Variants in HYKK observed in about 807,000 individuals in gnomAD.
HYKK encodes the protein hydroxylysine kinase, also known as 5-hydroxy-L-lysine kinase.
A neutral mutation model predicts 29.7 loss-of-function variants in HYKK; 19 were observed. The ratio of observed to expected loss-of-function variants is 0.64; its 90% CI spans 0.45 to 0.94. The LOEUF (loss-of-function observed/expected upper bound fraction) is 0.94, where lower values mean the gene tolerates loss of function less well. HYKK is among the 40% of genes least tolerant of loss of function. HYKK has a pLI of 0.00. For missense variants in HYKK, 390 were observed against 443.4 expected, an observed-to-expected ratio of 0.88 and a Z score of 1.08; for synonymous variants, 152 against 158.1, an observed-to-expected ratio of 0.96 and a Z score of 0.29.
At chr15:78,519,159 G>A (rs2052166266) in intron 3 of HYKK, among the ~76,000 whole-genome samples, 1 of 151,972 alleles carries the variant, frequency 6.6e-6, no homozygotes, top group Non-Finnish European at 1.5e-5. Flanking sequence ...CAGCCCCAGG[G>A]GCATACTTGG....
rs1434061519 is a variant in HYKK at position 78,534,366 on chromosome 15, C to T, written c.*696C>T. 1.3e-5 allele frequency: 2 copies of T among 151,638 alleles called. No homozygotes were observed. The highest frequency in any genetic ancestry group is 3.9e-4 in the East Asian group (2 of 5,162). 9.4% of individuals were successfully genotyped at this position (151,638 alleles called of 1,614,324 possible). A position where few individuals can be genotyped will look rare whatever the true frequency, so the allele number is the denominator to read the frequency against. On this transcript the variant is annotated 3_prime_UTR_variant, in exon 5 of 5. Transcript: ENST00000388988. ...TCGAGTTCACGCCATTCTCCTGCCT[C>T]AGCCTCCTGAGTAGCTGGGACTACA...
At chr15:78,527,721 C>T in intron 4 of HYKK, 158 bp downstream of exon 4, 1 of 1,392,838 alleles carries the variant, frequency 7.2e-7, no homozygotes, top group Non-Finnish European at 9.3e-7. Context: ...TTACTTTCCT[C>T]AAAATTGCTA....
intron 3 of HYKK, among the ~76,000 whole-genome samples, chr15:78,523,697 C>G (rs573361513): frequency 1.3e-5 from 2 of 152,328 alleles, no homozygotes; most frequent in Non-Finnish European, 2.9e-5. Context: ...ACATCAAAAA[C>G]AAGGTGTTTA....
At chr15:78,527,681 GCTC>G in intron 4 of HYKK, 118 bp downstream of exon 4, 1 of 1,437,366 alleles carries the variant, frequency 7.0e-7, no homozygotes, top group East Asian at 2.5e-5. Context: ...TGCCATATTT[GCTC>G]CTATTGCTTT....
chr15:78,509,554 A>C (rs892142576), intron 1 of HYKK, among the ~76,000 whole-genome samples: 18 of 152,230 alleles, frequency 1.2e-4, no homozygotes, highest in African/African-American at 1.9e-4. Flanking sequence ...AGAACTTATC[A>C]TTCATTTCAA....
chr15:78,509,325 T>C (rs2052048067), intron 1 of HYKK, among the ~76,000 whole-genome samples: 1 of 152,208 alleles, frequency 6.6e-6, no homozygotes, highest in African/African-American at 2.4e-5. Flanking sequence ...AGAGGTTAGG[T>C]AGCAGAACTG....
At chr15:78,536,950 A>C (rs1320294945), downstream of HYKK, among the ~76,000 whole-genome samples, 2 of 152,202 alleles carry the variant, frequency 1.3e-5, no homozygotes, top group African/African-American at 2.4e-5. Context: ...CTCCTGGGAC[A>C]GCCATCTTCT....
In HYKK at chr15:78,535,908, G is replaced by A. The variant is rs2052358466; in HGVS notation, c.*2238G>A. 1 of 152,074 alleles carries A rather than the reference G, an allele frequency of 6.6e-6. No homozygotes were observed. 9.4% of individuals were successfully genotyped at this position (152,074 alleles called of 1,614,324 possible). On this transcript the variant is annotated 3_prime_UTR_variant, in exon 5 of 5. Coordinates refer to ENST00000388988, the MANE Select transcript of HYKK (RefSeq NM_001013619.4). ...AATTTATTTTATTTTGTAGAGATAGGGTCTCACTATGTTGCCCAGGCTGGT... is the reference window on the plus strand; with the variant it reads ...AATTTATTTTATTTTGTAGAGATAGAGTCTCACTATGTTGCCCAGGCTGGT...
At chr15:78,531,086 C>A (rs1233841012) in intron 4 of HYKK, among the ~76,000 whole-genome samples, 1 of 152,054 alleles carries the variant, frequency 6.6e-6, no homozygotes, top group Non-Finnish European at 1.5e-5. Flanking sequence ...TGGTCTTGAA[C>A]TCCTGGCCTC....
At chr15:78,527,234 C>G (rs972586228) in intron 3 of HYKK, 146 bp from the exon 4 acceptor site, 3 of 640,722 alleles carry the variant, frequency 4.7e-6, no homozygotes, top group Non-Finnish European at 7.9e-6. Flanking sequence ...TGCAGTGAGT[C>G]GAGATCGTGC....
At chr15:78,509,794 T>G (rs748460639) in intron 1 of HYKK, among the ~76,000 whole-genome samples, 2 of 152,230 alleles carry the variant, frequency 1.3e-5, no homozygotes, top group Non-Finnish European at 2.9e-5. Context: ...GTTTTGAAAC[T>G]CCATTTAGGC....
At chr15:78,531,998 C>T (rs2052317261) in intron 4 of HYKK, among the ~76,000 whole-genome samples, 1 of 152,146 alleles carries the variant, frequency 6.6e-6, no homozygotes. Context: ...TAGAAAAAGT[C>T]AGCATTATAT....
chr15:78,516,018 C>G (rs1353235601), intron 3 of HYKK, among the ~76,000 whole-genome samples: 7 of 152,048 alleles, frequency 4.6e-5, no homozygotes, highest in Non-Finnish European at 1.0e-4. Flanking sequence ...AAATAGAAAC[C>G]TGAAGATTTC....
rs2052335246 is a variant in HYKK at position 78,533,677 on chromosome 15, T to G, written c.*7T>G. The G allele has an allele frequency of 1.3e-6, 2 of 1,596,830 alleles. No homozygotes were observed. The highest frequency in any genetic ancestry group is 2.2e-5 in the South Asian group (2 of 90,434). ...ATCTGGGATCTCCATGTGACTGAGA[T>G]CTCCATGTGACTCAAAGTTCACTTT... On this transcript the variant is annotated 3_prime_UTR_variant, in exon 5 of 5. Coordinates refer to ENST00000388988, the MANE Select transcript of HYKK (RefSeq NM_001013619.4).
chr15:78,523,788 A>G (rs147760547), intron 3 of HYKK, among the ~76,000 whole-genome samples: 2,700 of 152,364 alleles, frequency 0.018, 33 homozygotes, highest in Non-Finnish European at 0.024. Flanking sequence ...AGAAGGGACT[A>G]CAGGCCTCAT....
chr15:78,522,474 G>C (rs917460722), intron 3 of HYKK, among the ~76,000 whole-genome samples: 3 of 147,030 alleles, frequency 2.0e-5, no homozygotes, highest in Admixed American at 7.0e-5. Context: ...CAGGAGAATC[G>C]TTTGAGCCTG....
In HYKK at chr15:78,524,413, T is replaced by G. The variant is rs944258463; in HGVS notation, c.478-2967T>G. ...GACGTGGGGAGCAATATCCCAAGGC[T>G]GTGTAGGGCAGCAGGGCCCTGGGCC... On this transcript the variant is annotated intron_variant, in intron 3 of 4. Coordinates refer to ENST00000388988, the MANE Select transcript of HYKK (RefSeq NM_001013619.4). Among the ~76,000 whole-genome samples, 3 of 152,224 alleles carry G rather than the reference T, an allele frequency of 2.0e-5. No homozygotes were observed. The East Asian group carries it at 5.8e-4, about 29-fold the overall frequency.
At chr15:78,532,228 A>G (rs764857685) in intron 4 of HYKK, among the ~76,000 whole-genome samples, 9 of 152,174 alleles carry the variant, frequency 5.9e-5, no homozygotes, top group Non-Finnish European at 1.0e-4. Flanking sequence ...GCCACATGCA[A>G]CTAACCATGG....
chr15:78,520,874 C>G lies in HYKK; in HGVS notation c.477+5767C>G, dbSNP rs1206051073. Among the ~76,000 whole-genome samples, 10 of 151,472 alleles carry G rather than the reference C, an allele frequency of 6.6e-5. No individual in the cohort carries two copies. In the East Asian group the frequency reaches 1.8e-3, roughly 27 times the overall value. ...CAGCTGGCCGGGCGGGGGGCTGACC[C>G]CCCCACCTCCCTCCCGGATGGGGCG... On this transcript the variant is annotated intron_variant, in intron 3 of 4. Transcript: ENST00000388988.
Sources: allele counts gnomAD v4.1 joint callset (sites outside exome capture counted in the v4.1 genomes callset), GRCh38; gene constraint gnomAD v4.1.1; transcripts MANE v1.5; gene names NCBI Gene and HGNC (gene_info 2026-07-23, HGNC 2026-07-21).